GBE1: variants seen among roughly 807,000 people sequenced by gnomAD.
The protein encoded by GBE1 is 1,4-alpha-glucan branching enzyme 1.
In GBE1, 70 loss-of-function variants were observed where a neutral mutation model predicts 88.8. The ratio of observed to expected loss-of-function variants is 0.79; its 90% CI spans 0.65 to 0.96. The LOEUF (loss-of-function observed/expected upper bound fraction) is 0.96, where lower values mean the gene tolerates loss of function less well. Ranked by LOEUF, GBE1 falls within the 40% of genes least tolerant of loss-of-function variation. The pLI is 0.00. For synonymous variants in GBE1, 284 were observed against 300.1 expected, an observed-to-expected ratio of 0.95 and a Z score of 0.56; for missense variants, 872 against 871.0, an observed-to-expected ratio of 1.00 and a Z score of -0.01.
At chr3:81,700,485 T>C (rs1312970261) in intron 2 of GBE1, among the ~76,000 whole-genome samples, 2 of 152,192 alleles carry the variant, frequency 1.3e-5, no homozygotes, top group East Asian at 3.8e-4. Context: ...ATTGTAATTA[T>C]TAGATTCTAC....
At chr3:81,593,424 G>A (rs1703908449) in intron 8 of GBE1, among the ~76,000 whole-genome samples, 1 of 147,018 alleles carries the variant, frequency 6.8e-6, no homozygotes, top group South Asian at 2.1e-4. Flanking sequence ...TCTATTGAGG[G>A]ATTAGTATTC....
intron 3 of GBE1, chr3:81,655,036 C>A (rs967659712): frequency 6.6e-5 from 10 of 152,112 alleles, no homozygotes; most frequent in African/African-American, 2.4e-4. Context: ...GAGTTGTACT[C>A]ACAAGTCCCT....
intron 2 of GBE1, among the ~76,000 whole-genome samples, chr3:81,676,890 T>C (rs1705264647): frequency 6.6e-6 from 1 of 152,146 alleles, no homozygotes; most frequent in Non-Finnish European, 1.5e-5. Flanking sequence ...TGATGCACAG[T>C]TTAATATGAA....
At chr3:81,750,656 TATGTATATATATATATAC>T in intron 1 of GBE1, among the ~76,000 whole-genome samples, 1 of 61,306 alleles carries the variant, frequency 1.6e-5, no homozygotes, top group African/African-American at 1.2e-4. Flanking sequence ...TATATATATA[TATGTATATATATATATAC>T]GTATATATAT....
At chr3:81,698,094 G>A (rs1264110834) in intron 2 of GBE1, among the ~76,000 whole-genome samples, 2 of 146,882 alleles carry the variant, frequency 1.4e-5, no homozygotes, top group African/African-American at 2.5e-5. Context: ...CTTACAACAC[G>A]ACAAGGTCTC....
At chr3:81,648,380 A>G (rs1441382008) in intron 5 of GBE1, among the ~76,000 whole-genome samples, 1 of 152,154 alleles carries the variant, frequency 6.6e-6, no homozygotes, top group Non-Finnish European at 1.5e-5. Flanking sequence ...ACATCTAGCA[A>G]AATGTGTCTC....
At chr3:81,548,594 T>C (rs1703237103) in intron 12 of GBE1, among the ~76,000 whole-genome samples, 1 of 151,382 alleles carries the variant, frequency 6.6e-6, no homozygotes, top group African/African-American at 2.4e-5. Flanking sequence ...TGTTTTTAAC[T>C]GTGGCTGCCC....
intron 1 of GBE1, among the ~76,000 whole-genome samples, chr3:81,760,415 C>T (rs532899014): frequency 6.6e-6 from 1 of 152,312 alleles, no homozygotes; most frequent in African/African-American, 2.4e-5. Context: ...TGCCAGTTAA[C>T]TAGTTGGATG....
At chr3:81,748,386 C>T (rs779686352) in intron 1 of GBE1, among the ~76,000 whole-genome samples, 3 of 151,866 alleles carry the variant, frequency 2.0e-5, no homozygotes, top group African/African-American at 4.8e-5. Context: ...CCGAGGAGGG[C>T]GGATCACCAG....
intron 15 of GBE1, among the ~76,000 whole-genome samples, chr3:81,494,258 G>C (rs1702474791): frequency 6.6e-6 from 1 of 151,934 alleles, no homozygotes; most frequent in Non-Finnish European, 1.5e-5. Context: ...TTTTCTTAGT[G>C]GTTAGAAAAC....
chr3:81,691,550 G>T (rs1705521791), intron 2 of GBE1, among the ~76,000 whole-genome samples: 1 of 152,102 alleles, frequency 6.6e-6, no homozygotes, highest in African/African-American at 2.4e-5. Flanking sequence ...GCCTTGGAGA[G>T]GGGATCACTT....
intron 12 of GBE1, among the ~76,000 whole-genome samples, chr3:81,574,376 A>G (rs7631349): frequency 0.3 from 45,218 of 152,048 alleles, 6,951 homozygotes; most frequent in East Asian, 0.44. Context: ...GTATAACAGT[A>G]TTAAGTCATT....
chr3:81,626,752 A>C (rs2107024368), intron 7 of GBE1, among the ~76,000 whole-genome samples: 1 of 152,074 alleles, frequency 6.6e-6, no homozygotes, highest in Admixed American at 6.6e-5. Context: ...AAAAAAAAAA[A>C]AAATCTCTTC....
chr3:81,685,891 C>T (rs1387102997), intron 2 of GBE1, among the ~76,000 whole-genome samples: 1 of 152,146 alleles, frequency 6.6e-6, no homozygotes, highest in Non-Finnish European at 1.5e-5. Context: ...TTCCTAACTG[C>T]CATCTCTACT....
intron 3 of GBE1, among the ~76,000 whole-genome samples, chr3:81,651,699 C>T (rs888104537): frequency 1.3e-4 from 20 of 152,194 alleles, no homozygotes; most frequent in Admixed American, 6.5e-5. Flanking sequence ...AACCAGTTTT[C>T]CGTGACTACC....
At chr3:81,741,991 A>C (rs1055347963) in intron 1 of GBE1, among the ~76,000 whole-genome samples, 1 of 151,592 alleles carries the variant, frequency 6.6e-6, no homozygotes, top group Non-Finnish European at 1.5e-5. Context: ...ACCTACCTCA[A>C]TGTAAACCAG....
rs563239428 is a variant in GBE1, at chr3:81,552,895, CA to C, written c.1619-15801del. ...CAGTTACTTTAAAAAATAATCTTCACAAAAACCCTTCAATATGGGAGGGAAC... is the reference window on the plus strand; with the variant it reads ...CAGTTACTTTAAAAAATAATCTTCACAAAACCCTTCAATATGGGAGGGAAC... On this transcript the variant is annotated intron_variant, in intron 12 of 15. Coordinates refer to ENST00000429644, the MANE Select transcript of GBE1 (RefSeq NM_000158.4). 4.2e-3 allele frequency among the ~76,000 whole-genome samples: 646 copies of C among 152,214 alleles called. 4 individuals carry two copies. Among genetic ancestry groups the C allele is most frequent in the Non-Finnish European group, 7.8e-3 (529 of 67,996 alleles).
intron 7 of GBE1, among the ~76,000 whole-genome samples, chr3:81,619,984 A>G (rs1327244409): frequency 6.6e-6 from 1 of 152,070 alleles, no homozygotes; most frequent in Non-Finnish European, 1.5e-5. Context: ...ATATACATTT[A>G]TGAGCTAAAA....
chr3:81,571,873 A>G (rs1418597282), intron 12 of GBE1, among the ~76,000 whole-genome samples: 1 of 152,228 alleles, frequency 6.6e-6, no homozygotes, highest in Non-Finnish European at 1.5e-5. Flanking sequence ...AAAAGATTCC[A>G]GTACCCATAA....
Sources: gnomAD v4.1 joint callset for allele counts (sites outside exome capture counted in the v4.1 genomes callset) on GRCh38, gnomAD v4.1.1 for gene constraint, MANE v1.5 for transcripts, NCBI Gene and HGNC (gene_info 2026-07-23, HGNC 2026-07-21) for gene names.